Variants in EPHA7 observed in about 807,000 individuals in gnomAD.
The protein encoded by EPHA7 is ephrin type-A receptor 7.
A neutral mutation model predicts 112.6 loss-of-function variants in EPHA7; 25 were observed. That is an observed-to-expected ratio of 0.22 (90% CI 0.16 to 0.31). The LOEUF (loss-of-function observed/expected upper bound fraction) is 0.31, where lower values mean the gene tolerates loss of function less well. Among genes scored for constraint, EPHA7 ranks in the 10% least tolerant of loss-of-function variants. The pLI is 1.00. For synonymous variants in EPHA7, 437 were observed against 406.5 expected (o/e 1.07, Z -0.90); for missense variants, 962 against 1,212.6 (o/e 0.79, Z 3.07).
intron 5 of EPHA7, among the ~76,000 whole-genome samples, chr6:93,277,125 A>G (rs949191601): frequency 1.3e-5 from 2 of 152,086 alleles, no homozygotes; most frequent in African/African-American, 4.8e-5. Flanking sequence ...CGCTTTTCCT[A>G]TTGTACGTTA....
rs1378322981 is a variant in EPHA7, at chr6:93,341,386, T to G, written c.1324+15331A>C. Among the ~76,000 whole-genome samples, 3 of 151,838 alleles carry G rather than the reference T, an allele frequency of 2.0e-5. No homozygotes were observed. In the Admixed American group the frequency reaches 2.0e-4, roughly 10 times the overall value. The stretch of plus-strand genomic sequence containing the variant: ...CAAATTTTATATTTCAAACTTACTT[T>G]GAGTGTGCGTGTGTGTGTGTGTCAA... On this transcript the variant is annotated intron_variant, in intron 5 of 16. Transcript: ENST00000369303.
chr6:93,310,828 T>G (rs973675451), intron 5 of EPHA7, among the ~76,000 whole-genome samples: 3 of 151,862 alleles, frequency 2.0e-5, no homozygotes, highest in Admixed American at 6.5e-5. Flanking sequence ...GGGGTTTGCC[T>G]TGATGTTGAT....
chr6:93,375,747 G>A (rs76231239), intron 3 of EPHA7, among the ~76,000 whole-genome samples: 1,686 of 152,144 alleles, frequency 0.011, 29 homozygotes, highest in African/African-American at 0.039. Flanking sequence ...TTTGAAGTCA[G>A]TTCATGCTTT....
At chr6:93,359,176 A>G (rs1776114142) in intron 3 of EPHA7, among the ~76,000 whole-genome samples, 1 of 152,168 alleles carries the variant, frequency 6.6e-6, no homozygotes, top group Admixed American at 6.5e-5. Flanking sequence ...AACTTTTCTC[A>G]GCAACGAACA....
chr6:93,281,334 A>T (rs1771726555), intron 5 of EPHA7, among the ~76,000 whole-genome samples: 1 of 152,174 alleles, frequency 6.6e-6, no homozygotes, highest in Non-Finnish European at 1.5e-5. Context: ...TGGTGAGGAA[A>T]CTAATACTTT....
At chr6:93,318,850 A>G (rs1773932753) in intron 5 of EPHA7, among the ~76,000 whole-genome samples, 1 of 152,262 alleles carries the variant, frequency 6.6e-6, no homozygotes, top group Non-Finnish European at 1.5e-5. Context: ...CTGTGGCTGA[A>G]AGGAAAAGAA....
At chr6:93,394,184 T>C (rs1287575215) in intron 3 of EPHA7, among the ~76,000 whole-genome samples, 2 of 151,878 alleles carry the variant, frequency 1.3e-5, no homozygotes, top group Non-Finnish European at 2.9e-5. Flanking sequence ...AAGTTATTCT[T>C]TGTTATCGTA....
chr6:93,342,443 T>G (rs1219445286), intron 5 of EPHA7, among the ~76,000 whole-genome samples: 2 of 151,844 alleles, frequency 1.3e-5, no homozygotes, highest in Non-Finnish European at 2.9e-5. Context: ...ATGCTCATAC[T>G]ATAATGGAGA....
chr6:93,316,240 T>A (rs1178520096), intron 5 of EPHA7, among the ~76,000 whole-genome samples: 1 of 152,178 alleles, frequency 6.6e-6, no homozygotes, highest in African/African-American at 2.4e-5. Context: ...TATTTAACAA[T>A]GCATATGTAG....
chr6:93,290,920 A>C (rs1047764610), intron 5 of EPHA7, among the ~76,000 whole-genome samples: 1 of 152,208 alleles, frequency 6.6e-6, no homozygotes, highest in Non-Finnish European at 1.5e-5. Context: ...CATCATCATC[A>C]TAAAGCAAAC....
intron 3 of EPHA7, among the ~76,000 whole-genome samples, chr6:93,390,819 T>A (rs1469799114): frequency 1.3e-5 from 2 of 151,928 alleles, no homozygotes; most frequent in Non-Finnish European, 2.9e-5. Flanking sequence ...TACAAACTCA[T>A]GCAGGTTTAT....
At chr6:93,260,788 G>C (rs1288742884) in intron 9 of EPHA7, 6 of 887,306 alleles carry the variant, frequency 6.8e-6, no homozygotes, top group African/African-American at 1.9e-5. Flanking sequence ...AGCTGAAGAT[G>C]AAAAAAAAAA....
At chr6:93,375,644 CAAACTCCTA>C (rs961499887) in intron 3 of EPHA7, among the ~76,000 whole-genome samples, 7 of 140,118 alleles carry the variant, frequency 5.0e-5, no homozygotes, top group African/African-American at 7.8e-5. Flanking sequence ...AAAAAAAAAA[CAAACTCCTA>C]ATAGGCAGCT....
At chr6:93,341,872 T>C (rs17738694) in intron 5 of EPHA7, among the ~76,000 whole-genome samples, 1 of 151,846 alleles carries the variant, frequency 6.6e-6, no homozygotes, top group Admixed American at 6.6e-5. Context: ...TGGAAGTATA[T>C]TTGTGATGCC....
intron 5 of EPHA7, among the ~76,000 whole-genome samples, chr6:93,301,549 AT>A (rs779573868): frequency 2.0e-5 from 3 of 152,222 alleles, no homozygotes; most frequent in African/African-American, 4.8e-5. Context: ...TTTAATAGCG[AT>A]TTTTTTACAG....
At position 93,414,812 on chromosome 6, in the gene EPHA7, C is replaced by T. The variant is rs540816; in HGVS notation, c.98-45G>A. 9.7e-5 allele frequency: 143 copies of T among 1,476,230 alleles called. No homozygotes were observed. In the African/African-American group the frequency reaches 1.3e-3, roughly 14 times the overall value. 91.4% of individuals were successfully genotyped at this position (1,476,230 alleles called of 1,614,324 possible). A position where few individuals can be genotyped will look rare whatever the true frequency, so the allele number is the denominator to read the frequency against. ...TTCCATATGTTACATGAAACACTTA[C>T]GCACACATGTAGACATTTTTAAGGT... On this transcript the variant is annotated intron_variant, in intron 1 of 16. Coordinates refer to ENST00000369303, the MANE Select transcript of EPHA7 (RefSeq NM_004440.4).
intron 5 of EPHA7, among the ~76,000 whole-genome samples, chr6:93,308,861 G>A (rs944843705): frequency 1.3e-5 from 2 of 151,844 alleles, no homozygotes; most frequent in East Asian, 1.9e-4. Context: ...TAGGTGTTAA[G>A]CTATATAGTT....
intron 5 of EPHA7, among the ~76,000 whole-genome samples, chr6:93,345,661 G>C (rs1775367149): frequency 6.6e-6 from 1 of 151,700 alleles, no homozygotes; most frequent in South Asian, 2.1e-4. Context: ...CATAAAAACA[G>C]TTAAAATTCA....
At chr6:93,333,982 C>T (rs1031285055) in intron 5 of EPHA7, among the ~76,000 whole-genome samples, 8 of 151,718 alleles carry the variant, frequency 5.3e-5, no homozygotes, top group African/African-American at 1.9e-4. Context: ...AGCTGACTTA[C>T]TCAGGACAAT....
Sources: allele counts gnomAD v4.1 joint callset (sites outside exome capture counted in the v4.1 genomes callset), GRCh38; gene constraint gnomAD v4.1.1; transcripts MANE v1.5; gene names NCBI Gene and HGNC (gene_info 2026-07-23, HGNC 2026-07-21).